The following TSC22D3 variants were observed in gnomAD, a reference collection of about 807,000 sequenced individuals.
TSC22D3 encodes the protein TSC22 domain family protein 3.
A neutral mutation model predicts 11.1 loss-of-function variants in TSC22D3; 4 were observed. The ratio of observed to expected loss-of-function variants is 0.36; its 90% confidence interval spans 0.18 to 0.83. TSC22D3 has a LOEUF of 0.83. TSC22D3 is among the 40% of genes least tolerant of loss of function. The pLI, the probability that TSC22D3 is intolerant of heterozygous loss-of-function variation, is 0.48. For missense variants in TSC22D3, 118 were observed against 159.4 expected, an observed-to-expected ratio of 0.74 and a Z score of 1.40; for synonymous variants, 77 against 70.3, an observed-to-expected ratio of 1.10 and a Z score of -0.48.
At chrX:107,742,320 T>A (rs533254369) in intron 1 of TSC22D3, among the ~76,000 whole-genome samples, 715 of 24,273 alleles carry the variant, frequency 0.029, 2 homozygotes, top group African/African-American at 0.061. Context: ...AGAGAGAGAG[T>A]GTGTGTGCGC....
chrX:107,768,246 G>A (rs1189682688), intron 1 of TSC22D3, among the ~76,000 whole-genome samples: 1 of 112,093 alleles, frequency 8.9e-6, no homozygotes, highest in Non-Finnish European at 1.9e-5. Context: ...GAACTCTGCA[G>A]GGTTCCATCA....
At chrX:107,741,729 G>A (rs767039617) in intron 1 of TSC22D3, among the ~76,000 whole-genome samples, 3 of 111,793 alleles carry the variant, frequency 2.7e-5, no homozygotes, top group Non-Finnish European at 5.7e-5. Context: ...AATCCAGCTG[G>A]GGCAGCAATC....
chrX:107,766,955 CT>C (rs778654632), intron 1 of TSC22D3, among the ~76,000 whole-genome samples: 3 of 110,997 alleles, frequency 2.7e-5, no homozygotes, highest in Non-Finnish European at 5.7e-5. Flanking sequence ...CCAGCCTAGT[CT>C]GGGAGTGAGG....
chrX:107,717,960 T>C (rs1021001349), intron 1 of TSC22D3, among the ~76,000 whole-genome samples: 1 of 111,969 alleles, frequency 8.9e-6, no homozygotes, highest in Admixed American at 9.4e-5. Flanking sequence ...TACTTTTCTT[T>C]AAAACAGCGA....
At chrX:107,762,351 A>G (rs1929477269) in intron 1 of TSC22D3, among the ~76,000 whole-genome samples, 2 of 112,150 alleles carry the variant, frequency 1.8e-5, no homozygotes, top group Non-Finnish European at 3.8e-5. Context: ...TCCTCAGTCC[A>G]TTCTCCCACA....
intron 1 of TSC22D3, among the ~76,000 whole-genome samples, chrX:107,750,238 GTTTT>G (rs540325217): frequency 2.0e-5 from 2 of 100,127 alleles, no homozygotes. Context: ...TTCTCGCTTA[GTTTT>G]TTTTTTTTTT....
intron 1 of TSC22D3, among the ~76,000 whole-genome samples, chrX:107,748,186 A>G (rs1928760876): frequency 8.9e-6 from 1 of 112,071 alleles, no homozygotes; most frequent in Admixed American, 9.4e-5. Flanking sequence ...AGAGACAGGA[A>G]TTTCAATCCA....
intron 1 of TSC22D3, among the ~76,000 whole-genome samples, chrX:107,718,754 C>T (rs1261812482): frequency 8.9e-6 from 1 of 112,282 alleles, no homozygotes; most frequent in Non-Finnish European, 1.9e-5. Context: ...TGCACTAGCC[C>T]GGGATGGTGT....
chrX:107,715,974 AC>A (rs1442769361), intron 1 of TSC22D3, 24 bp from the exon 2 acceptor site: 1 of 1,206,857 alleles, frequency 8.3e-7, no homozygotes, highest in Non-Finnish European at 1.1e-6. Flanking sequence ...AAGCAAAGCG[AC>A]CCATTACCCA....
chrX:107,770,782 T>C (rs1211476876), intron 1 of TSC22D3, among the ~76,000 whole-genome samples: 1 of 112,565 alleles, frequency 8.9e-6, no homozygotes, highest in Non-Finnish European at 1.9e-5. Flanking sequence ...TACAGGTTGT[T>C]ATACCTTACA....
intron 1 of TSC22D3, among the ~76,000 whole-genome samples, chrX:107,731,728 C>T (rs1326053930): frequency 9.0e-6 from 1 of 111,220 alleles, no homozygotes; most frequent in Non-Finnish European, 1.9e-5. Flanking sequence ...GTGAGGTCTT[C>T]AGGCCCTCGT....
At chrX:107,746,334 G>A (rs569922948) in intron 1 of TSC22D3, among the ~76,000 whole-genome samples, 4 of 111,531 alleles carry the variant, frequency 3.6e-5, no homozygotes, top group Non-Finnish European at 7.5e-5. Context: ...GGGCCAAGAC[G>A]GTTCTCCCAG....
chrX:107,716,415 C>T, intron 1 of TSC22D3: 1 of 966,747 alleles, frequency 1.0e-6, no homozygotes, highest in Non-Finnish European at 1.3e-6. Context: ...CCAGCCCTGT[C>T]TGGTCCTGCC....
chrX:107,716,267 C>G, intron 1 of TSC22D3: 1 of 921,950 alleles, frequency 1.1e-6, no homozygotes, highest in Non-Finnish European at 1.4e-6. Context: ...GGCTGTGCGA[C>G]CCGGGGAGTC....
chrX:107,746,588 G>A (rs1182251022), intron 1 of TSC22D3, among the ~76,000 whole-genome samples: 1 of 111,820 alleles, frequency 8.9e-6, no homozygotes, highest in Non-Finnish European at 1.9e-5. Flanking sequence ...TATACTTCCA[G>A]CTGTCCCTTC....
chrX:107,717,980 A>G (rs1927138943), intron 1 of TSC22D3, among the ~76,000 whole-genome samples: 1 of 112,105 alleles, frequency 8.9e-6, no homozygotes, highest in Non-Finnish European at 1.9e-5. Context: ...AATGACAATA[A>G]CACTCCAAAC....
At chrX:107,742,281 AAGAGAGAG>A (rs764889060) in intron 1 of TSC22D3, among the ~76,000 whole-genome samples, 8,833 of 56,657 alleles carry the variant, frequency 0.16, 609 homozygotes, top group Middle Eastern at 0.25. Flanking sequence ...GAGAGAGAGA[AAGAGAGAG>A]AGAGAGAGAG....
chrX:107,761,309 C>T (rs1173208420), intron 1 of TSC22D3, among the ~76,000 whole-genome samples: 1 of 112,333 alleles, frequency 8.9e-6, no homozygotes, highest in Non-Finnish European at 1.9e-5. Flanking sequence ...CTTCCTGCCC[C>T]TCTGAAAGAG....
At chrX:107,721,318 AG>A (rs1927316977) in intron 1 of TSC22D3, among the ~76,000 whole-genome samples, 1 of 111,980 alleles carries the variant, frequency 8.9e-6, no homozygotes, top group African/African-American at 3.2e-5. Context: ...CCCCTTCAAA[AG>A]CCAGACTGGA....
Sources: gnomAD v4.1 joint callset for allele counts (sites outside exome capture counted in the v4.1 genomes callset) on GRCh38, gnomAD v4.1.1 for gene constraint, MANE v1.5 for transcripts, NCBI Gene and HGNC (gene_info 2026-07-23, HGNC 2026-07-21) for gene names.